The following OTUD7B variants were observed in gnomAD, a reference collection of about 807,000 sequenced individuals.
OTUD7B encodes the protein OTU domain-containing protein 7B.
OTUD7B carries 34 observed loss-of-function variants against 82.2 expected under a neutral mutation model. That is an observed-to-expected ratio of 0.41 (90% confidence interval 0.31 to 0.55). The LOEUF (loss-of-function observed/expected upper bound fraction) is 0.55, where lower values mean the gene tolerates loss of function less well. Ranked by LOEUF, OTUD7B falls within the 20% of genes least tolerant of loss-of-function variation. The pLI, the probability that OTUD7B is intolerant of heterozygous loss-of-function variation, is 0.20. For synonymous variants in OTUD7B, 398 were observed against 402.7 expected (o/e 0.99, Z 0.14); for missense variants, 944 against 1,062.1 (o/e 0.89, Z 1.55).
At chr1:150,035,087 T>G in the OTUD7B span, among the ~76,000 whole-genome samples, 1 of 150,394 alleles carries the variant, frequency 6.6e-6, no homozygotes, top group African/African-American at 2.5e-5. Context: ...GAGGTTGTAG[T>G]GAGCTGAGAT....
Position 149,940,950 on chromosome 1 carries a change from G to A in OTUD7B, c.*2907C>T, listed in dbSNP as rs998097087. 1.3e-5 allele frequency: 2 copies of A among 151,260 alleles called. No individual in the cohort carries two copies. The highest frequency in any genetic ancestry group is 6.6e-5 in the Admixed American group (1 of 15,146). The allele number at this position is 151,260 out of a possible 1,614,324, so 9.4% of individuals were successfully genotyped here. A position where few individuals can be genotyped will look rare whatever the true frequency, so the allele number is the denominator to read the frequency against. On this transcript the variant is annotated 3_prime_UTR_variant, in exon 12 of 12. Coordinates refer to ENST00000581312, the MANE Select transcript of OTUD7B (RefSeq NM_020205.4). ...CCTATAAAAAATATCCATTGTCTCAGGGTCTCTCATCCTTAGAATGGAGAG... is the reference window on the plus strand; with the variant it reads ...CCTATAAAAAATATCCATTGTCTCAAGGTCTCTCATCCTTAGAATGGAGAG...
chr1:149,951,193 G>A (rs1255788370), intron 7 of OTUD7B, among the ~76,000 whole-genome samples: 3 of 151,624 alleles, frequency 2.0e-5, no homozygotes, highest in Non-Finnish European at 2.9e-5. Context: ...CCGTGGTCTC[G>A]ATCTCCTGAC....
rs1647450883 is a variant in OTUD7B at position 149,943,920 on chromosome 1, G to A, written c.2469C>T (p.Tyr823=). Residue 823 remains tyrosine, a synonymous_variant, in exon 12 of 12, where the codon TAC becomes TAT. Coordinates refer to ENST00000581312, the MANE Select transcript of OTUD7B (RefSeq NM_020205.4). The stretch of plus-strand genomic sequence containing the variant: ...GCTCCCTCCTCCTCAGTTCTTCCCT[G>A]TAACAACAGGAACAGAAGTTGTTTG... ...PETNNFCSCC[Y]REELRRRERE... is the part of the protein sequence containing the mutation. 2 of 1,614,226 alleles carry A rather than the reference G, an allele frequency of 1.2e-6. No individual in the cohort carries two copies. Among genetic ancestry groups the A allele is most frequent in the Middle Eastern group, 1.6e-4 (1 of 6,062 alleles).
the OTUD7B span, among the ~76,000 whole-genome samples, chr1:150,055,527 C>A: frequency 6.6e-6 from 1 of 152,166 alleles, no homozygotes; most frequent in Non-Finnish European, 1.5e-5. Flanking sequence ...CCATTCGACC[C>A]AGCAATCCCA....
rs959841430 is a variant in OTUD7B, at chr1:150,001,071, C to T, written c.-67+9377G>A. Among the ~76,000 whole-genome samples, 3 of 151,988 alleles carry T rather than the reference C, an allele frequency of 2.0e-5. No homozygotes were observed. The East Asian group carries it at 5.8e-4, about 29-fold the overall frequency. On this transcript the variant is annotated intron_variant, in intron 1 of 11. Transcript: ENST00000581312. The stretch of plus-strand genomic sequence containing the variant: ...GAAGGAATGAACACATCAATTCAGG[C>T]CAGTAGTCATTTCTTGAGAAAGAGG...
chr1:149,954,768 TGGGAG>T (rs1247443362), intron 7 of OTUD7B, among the ~76,000 whole-genome samples: 1 of 152,206 alleles, frequency 6.6e-6, no homozygotes, highest in Non-Finnish European at 1.5e-5. Flanking sequence ...GGTTTGGTCT[TGGGAG>T]GGTGTATGTG....
rs1409740365 is a variant in OTUD7B, at chr1:149,943,790, T to C, written c.*67A>G. ...TTTCCCCCTCAACATGGGGACTGTG[T>C]TCTTGATGAGCCAATTAGTTGAGCT... is the stretch of plus-strand genomic sequence containing the variant. On this transcript the variant is annotated 3_prime_UTR_variant, in exon 12 of 12. Coordinates refer to ENST00000581312, the MANE Select transcript of OTUD7B (RefSeq NM_020205.4). The C allele has an allele frequency of 1.2e-5, 18 of 1,484,880 alleles. No individual in the cohort carries two copies. In the East Asian group the frequency reaches 4.1e-4, roughly 34 times the overall value. 92.0% of individuals were successfully genotyped at this position (1,484,880 alleles called of 1,614,324 possible).
At chr1:150,007,721 A>G (rs1435322445) in intron 1 of OTUD7B, among the ~76,000 whole-genome samples, 2 of 152,224 alleles carry the variant, frequency 1.3e-5, no homozygotes, top group African/African-American at 4.8e-5. Context: ...ATTATATTAA[A>G]AAGTCAACTG....
rs372078359 is a variant in OTUD7B at position 149,969,033 on chromosome 1, G to A, written c.275-1512C>T. 8.5e-5 allele frequency among the ~76,000 whole-genome samples: 13 copies of A among 152,086 alleles called. No homozygotes were observed. The South Asian group carries it at 2.7e-3, about 32-fold the overall frequency. The stretch of plus-strand genomic sequence containing the variant: ...CACCCACCTTAAAAATATTTTTTAG[G>A]TATTCGTAGGCTGAGCATGGTGGCT... On this transcript the variant is annotated intron_variant, in intron 3 of 11. Coordinates refer to ENST00000581312, the MANE Select transcript of OTUD7B (RefSeq NM_020205.4).
rs115650695 is a variant in OTUD7B, at chr1:150,010,529, C to T, written c.-148G>A. 0.056 allele frequency: 8,547 copies of T among 152,918 alleles called. 312 individuals carry two copies. The highest frequency in any genetic ancestry group is 0.088 in the Non-Finnish European group (6,037 of 68,298). The allele number at this position is 152,918 out of a possible 1,614,324, so 9.5% of individuals were successfully genotyped here. On this transcript the variant is annotated 5_prime_UTR_variant, in exon 1 of 12. Transcript: ENST00000581312. ...CCTCTCTTCATTCCTCGGCAGTGACCCCGGGGTCCGGCCGGCCCCTCCCCC... is the reference window on the plus strand; with the variant it reads ...CCTCTCTTCATTCCTCGGCAGTGACTCCGGGGTCCGGCCGGCCCCTCCCCC...
intron 7 of OTUD7B, among the ~76,000 whole-genome samples, chr1:149,958,565 C>T (rs587670249): frequency 2.6e-5 from 4 of 152,126 alleles, no homozygotes; most frequent in East Asian, 1.9e-4. Context: ...CCGCCCACCT[C>T]GGCCTCCCAA....
the OTUD7B span, among the ~76,000 whole-genome samples, chr1:150,064,527 C>A: frequency 6.6e-6 from 1 of 151,428 alleles, no homozygotes; most frequent in Non-Finnish European, 1.5e-5. Flanking sequence ...ACCCGCTACA[C>A]CTAGCTAATT....
chr1:150,040,521 G>A, the OTUD7B span, among the ~76,000 whole-genome samples: 1 of 152,020 alleles, frequency 6.6e-6, no homozygotes, highest in Non-Finnish European at 1.5e-5. Flanking sequence ...AAATGAGATT[G>A]ATACAAGTAT....
At position 150,004,097 on chromosome 1, in the gene OTUD7B, C is replaced by T. The variant is rs1319972817; in HGVS notation, c.-67+6351G>A. On this transcript the variant is annotated intron_variant, in intron 1 of 11. Coordinates refer to ENST00000581312, the MANE Select transcript of OTUD7B (RefSeq NM_020205.4). ...CCACCCCTCATTAATTTCCATTTTT[C>T]CTTCACAGTCTCTTTTTCACTCTTT... Among the ~76,000 whole-genome samples, 6 of 151,994 alleles carry T rather than the reference C, an allele frequency of 3.9e-5. No individual in the cohort carries two copies. In the East Asian group the frequency reaches 1.2e-3, roughly 29 times the overall value.
intron 7 of OTUD7B, among the ~76,000 whole-genome samples, chr1:149,954,097 G>A (rs2101763861): frequency 6.6e-6 from 1 of 152,286 alleles, no homozygotes; most frequent in South Asian, 2.1e-4. Flanking sequence ...AATAGGAGTG[G>A]TGAGAAAGGG....
chr1:149,972,042 G>A (rs1051401109), intron 2 of OTUD7B, among the ~76,000 whole-genome samples: 1 of 152,080 alleles, frequency 6.6e-6, no homozygotes, highest in Admixed American at 6.6e-5. Context: ...TTCCATAATC[G>A]AGATTTTTAA....
chr1:149,968,934 C>T (rs976575861), intron 3 of OTUD7B, among the ~76,000 whole-genome samples: 3 of 152,066 alleles, frequency 2.0e-5, no homozygotes, highest in Non-Finnish European at 4.4e-5. Context: ...GGCTGTTCTC[C>T]TCAAACTCCT....
the OTUD7B span, among the ~76,000 whole-genome samples, chr1:150,058,152 C>A: frequency 6.6e-6 from 1 of 152,170 alleles, no homozygotes; most frequent in Admixed American, 6.5e-5. Flanking sequence ...ATAATCTTGA[C>A]CCTCTACTGC....
upstream of OTUD7B, among the ~76,000 whole-genome samples, chr1:150,014,084 G>GTGTATATA (rs1336267152): frequency 1.9e-3 from 57 of 30,386 alleles, no homozygotes; most frequent in African/African-American, 4.1e-3. Flanking sequence ...GTGTGTGTGT[G>GTGTATATA]TATATATATA....
Sources: allele counts gnomAD v4.1 joint callset (sites outside exome capture counted in the v4.1 genomes callset), GRCh38; gene constraint gnomAD v4.1.1; transcripts MANE v1.5; gene names NCBI Gene and HGNC (gene_info 2026-07-23, HGNC 2026-07-21).